The following SOX6 variants were observed in gnomAD, a reference collection of about 807,000 sequenced individuals.
The protein encoded by SOX6 is SRY-box transcription factor 6, also known as transcription factor SOX-6.
SOX6 carries 11 observed loss-of-function variants against 97.8 expected under a neutral mutation model. The observed-to-expected ratio is 0.11, with a 90% CI of 0.07 to 0.19. The LOEUF (loss-of-function observed/expected upper bound fraction) is 0.19. SOX6 is among the 10% of genes least tolerant of loss of function. SOX6 has a pLI of 1.00. For missense variants in SOX6, 810 were observed against 1,039.5 expected (o/e 0.78, Z 3.04); for synonymous variants, 360 against 371.4 (o/e 0.97, Z 0.35).
intron 12 of SOX6, among the ~76,000 whole-genome samples, chr11:16,017,065 A>T (rs913730761): frequency 6.6e-6 from 1 of 152,084 alleles, no homozygotes; most frequent in Non-Finnish European, 1.5e-5. Flanking sequence ...AGGAAGGAGA[A>T]GAGGGAAAAT....
At position 16,709,766 on chromosome 11, in the gene SOX6, T is replaced by C. The variant is rs1012020563; in HGVS notation, n.429+5064A>G. Among the ~76,000 whole-genome samples the C allele has an allele frequency of 6.6e-5, 10 of 152,344 alleles. No individual in the cohort carries two copies. The East Asian group carries it at 1.9e-3, about 29-fold the overall frequency. ...AGCCTAACACAGTAACTTTCTGTGC[T>C]ATAACTTCAAGTTAAGTTCATTTGA... On this transcript the variant is annotated intron_variant and non_coding_transcript_variant, in intron 3 of 5. Transcript: ENST00000524520.
chr11:16,653,665 T>C (rs72861278), intron 3 of SOX6, among the ~76,000 whole-genome samples: 2,307 of 152,190 alleles, frequency 0.015, 18 homozygotes, highest in Non-Finnish European at 0.025. Flanking sequence ...ACACATTAGG[T>C]ACAGTGTACA....
At chr11:16,353,582 C>G (rs1057495932) in intron 1 of SOX6, among the ~76,000 whole-genome samples, 4 of 151,962 alleles carry the variant, frequency 2.6e-5, no homozygotes, top group African/African-American at 9.7e-5. Context: ...CCACCTCCTC[C>G]CTTTCTTATA....
chr11:15,981,682 G>T (rs1288228479), intron 15 of SOX6, among the ~76,000 whole-genome samples: 2 of 152,016 alleles, frequency 1.3e-5, no homozygotes, highest in Non-Finnish European at 2.9e-5. Flanking sequence ...TAATGTAATT[G>T]TATTTTATAG....
intron 15 of SOX6, 71 bp downstream of exon 15, chr11:15,986,133 C>A: frequency 7.4e-7 from 1 of 1,355,382 alleles, no homozygotes; most frequent in African/African-American, 1.4e-5. Flanking sequence ...CCCAAACATA[C>A]TGCCAGTAGC....
chr11:16,402,619 T>G (rs945259952), intron 1 of SOX6: 2 of 1,565,170 alleles, frequency 1.3e-6, no homozygotes, highest in Non-Finnish European at 1.8e-6. Context: ...AGACTGAAGT[T>G]ACCCTTTCAT....
intron 1 of SOX6, among the ~76,000 whole-genome samples, chr11:16,398,174 G>A (rs1308814905): frequency 1.3e-5 from 2 of 151,564 alleles, no homozygotes; most frequent in Non-Finnish European, 3.0e-5. Context: ...TACCTTAAAA[G>A]TTAGAGAGCC....
intron 4 of SOX6, among the ~76,000 whole-genome samples, chr11:16,215,349 TTAAC>T (rs1415908839): frequency 6.6e-6 from 1 of 152,212 alleles, no homozygotes; most frequent in Non-Finnish European, 1.5e-5. Context: ...CAATCTTCCT[TTAAC>T]TATTTCTCAA....
At chr11:16,318,298 TC>T (rs1855810952) in intron 3 of SOX6, 147 bp downstream of exon 3, 3 of 768,258 alleles carry the variant, frequency 3.9e-6, no homozygotes, top group Non-Finnish European at 6.6e-6. Flanking sequence ...AAATCTGCCA[TC>T]ACCATAGTAA....
intron 1 of SOX6, among the ~76,000 whole-genome samples, chr11:16,412,198 A>T (rs2133056945): frequency 6.6e-6 from 1 of 152,328 alleles, no homozygotes; most frequent in Non-Finnish European, 1.5e-5. Flanking sequence ...TTATTCTTTG[A>T]CAATGCTAAT....
chr11:16,404,829 T>G (rs1479238108), intron 1 of SOX6, among the ~76,000 whole-genome samples: 1 of 152,050 alleles, frequency 6.6e-6, no homozygotes, highest in African/African-American at 2.4e-5. Context: ...TTTGTAAGTT[T>G]TCTTTTCAAC....
intron 5 of SOX6, among the ~76,000 whole-genome samples, chr11:16,186,205 T>C (rs1008437785): frequency 1.3e-5 from 2 of 152,192 alleles, no homozygotes; most frequent in Non-Finnish European, 2.9e-5. Context: ...GACTTACCTA[T>C]GCTATAAATA....
intron 1 of SOX6, among the ~76,000 whole-genome samples, chr11:16,463,624 G>T (rs1256314594): frequency 6.6e-6 from 1 of 152,086 alleles, no homozygotes; most frequent in African/African-American, 2.4e-5. Flanking sequence ...ACTTCTCTAT[G>T]CCAAGTATAG....
intron 3 of SOX6, among the ~76,000 whole-genome samples, chr11:16,282,614 T>C (rs1590089470): frequency 6.6e-6 from 1 of 151,654 alleles, no homozygotes; most frequent in Middle Eastern, 3.4e-3. Flanking sequence ...GATAAGAACA[T>C]TTGATCCTGA....
At chr11:16,641,388 T>G (rs1363963064) in intron 3 of SOX6, among the ~76,000 whole-genome samples, 1 of 152,134 alleles carries the variant, frequency 6.6e-6, no homozygotes, top group Non-Finnish European at 1.5e-5. Context: ...ATATGTTGAT[T>G]TGGGGTGGAG....
intron 2 of SOX6, among the ~76,000 whole-genome samples, chr11:16,723,636 C>T (rs1219458074): frequency 1.3e-5 from 2 of 151,998 alleles, no homozygotes; most frequent in Non-Finnish European, 2.9e-5. Flanking sequence ...ATGGTGAAAC[C>T]CCATCTCTAC....
chr11:16,181,786 A>G (rs1403793131), intron 6 of SOX6, among the ~76,000 whole-genome samples: 1 of 151,720 alleles, frequency 6.6e-6, no homozygotes, highest in Non-Finnish European at 1.5e-5. Flanking sequence ...CTTATTTTTT[A>G]AAAAATTTGA....
chr11:16,473,500 G>A (rs1565156862), intron 1 of SOX6, among the ~76,000 whole-genome samples: 1 of 151,646 alleles, frequency 6.6e-6, no homozygotes, highest in Non-Finnish European at 1.5e-5. Context: ...GCTGCTGACT[G>A]GTCAGGGTGG....
intron 3 of SOX6, among the ~76,000 whole-genome samples, chr11:16,615,331 G>T (rs192449858): frequency 6.6e-6 from 1 of 152,106 alleles, no homozygotes; most frequent in African/African-American, 2.4e-5. Flanking sequence ...AACTCAGAGC[G>T]CTCTTGGTTT....
Sources: allele counts gnomAD v4.1 joint callset (sites outside exome capture counted in the v4.1 genomes callset), GRCh38; gene constraint gnomAD v4.1.1; transcripts MANE v1.5; gene names NCBI Gene and HGNC (gene_info 2026-07-23, HGNC 2026-07-21).